KIF26B: variants seen among roughly 807,000 people sequenced by gnomAD.
KIF26B encodes the protein kinesin-like protein KIF26B.
KIF26B carries 63 observed loss-of-function variants against 151.2 expected under a neutral mutation model. That is an observed-to-expected ratio of 0.42 (90% CI 0.34 to 0.51). KIF26B has a LOEUF of 0.51. KIF26B is among the 20% of genes least tolerant of loss of function. The pLI, the probability that KIF26B is intolerant of heterozygous loss-of-function variation, is 0.07. For synonymous variants in KIF26B, 1,357 were observed against 1,262.1 expected (o/e 1.08, Z -1.59); for missense variants, 2,813 against 2,913.6 (o/e 0.97, Z 0.79).
chr1:245,591,543 G>C (rs2043289363), intron 5 of KIF26B, among the ~76,000 whole-genome samples: 1 of 152,194 alleles, frequency 6.6e-6, no homozygotes, highest in Admixed American at 6.5e-5. Flanking sequence ...CCTGTCTCCA[G>C]AGCCTGTGCC....
At chr1:245,408,607 G>T (rs1018235071) in intron 3 of KIF26B, among the ~76,000 whole-genome samples, 4 of 151,940 alleles carry the variant, frequency 2.6e-5, no homozygotes, top group Non-Finnish European at 5.9e-5. Context: ...CACCCGCCTC[G>T]GCCTCCCAAA....
intron 2 of KIF26B, among the ~76,000 whole-genome samples, chr1:245,270,921 A>T (rs558014255): frequency 6.6e-6 from 1 of 152,060 alleles, no homozygotes; most frequent in Non-Finnish European, 1.5e-5. Context: ...ATCCATTTTG[A>T]GTTGAGGTTT....
At chr1:245,363,086 C>G (rs1217465283) in intron 2 of KIF26B, among the ~76,000 whole-genome samples, 1 of 152,176 alleles carries the variant, frequency 6.6e-6, no homozygotes, top group South Asian at 2.1e-4. Context: ...GCCAGCTGAT[C>G]CAGAGGACAT....
intron 5 of KIF26B, among the ~76,000 whole-genome samples, chr1:245,584,189 C>T (rs1370347095): frequency 6.6e-6 from 1 of 152,120 alleles, no homozygotes; most frequent in African/African-American, 2.4e-5. Flanking sequence ...CCGTCTCATG[C>T]TCCCATTCTC....
intron 9 of KIF26B, among the ~76,000 whole-genome samples, chr1:245,613,556 C>G (rs2043551457): frequency 6.6e-6 from 1 of 152,218 alleles, no homozygotes; most frequent in Non-Finnish European, 1.5e-5. Flanking sequence ...CCAGATCGTG[C>G]CACTGCACTC....
rs1388571990 is a variant in KIF26B, at chr1:245,210,202, G to T, written c.465+53519G>T. On this transcript the variant is annotated intron_variant, in intron 2 of 14. Transcript: ENST00000407071. Reference sequence around the variant, plus strand: ...AGCCCACCCCCAAGGCCCCGCAGCTGCAGCTTCTGCTGTGCTTTCATTCCA... The same window carrying T: ...AGCCCACCCCCAAGGCCCCGCAGCTTCAGCTTCTGCTGTGCTTTCATTCCA... 3.9e-5 allele frequency among the ~76,000 whole-genome samples: 6 copies of T among 152,334 alleles called. No individual in the cohort carries two copies. The East Asian group carries it at 1.2e-3, about 29-fold the overall frequency.
At chr1:245,668,701 C>CT (rs10691487) in intron 10 of KIF26B, among the ~76,000 whole-genome samples, 10 of 151,238 alleles carry the variant, frequency 6.6e-5, no homozygotes, top group South Asian at 2.1e-4. Context: ...CTTTTCTTTT[C>CT]TTTTTTTGAG....
intron 4 of KIF26B, among the ~76,000 whole-genome samples, chr1:245,454,023 C>A (rs1377910651): frequency 6.6e-6 from 1 of 152,114 alleles, no homozygotes; most frequent in Non-Finnish European, 1.5e-5. Flanking sequence ...AGGCTGAATG[C>A]CACTCATACA....
intron 2 of KIF26B, among the ~76,000 whole-genome samples, chr1:245,211,928 G>T (rs1669542900): frequency 6.6e-6 from 1 of 152,182 alleles, no homozygotes; most frequent in African/African-American, 2.4e-5. Context: ...CCACGGCAGT[G>T]GGCTCTGCCC....
intron 3 of KIF26B, among the ~76,000 whole-genome samples, chr1:245,414,021 G>A (rs1039614486): frequency 1.4e-4 from 21 of 152,202 alleles, no homozygotes; most frequent in Admixed American, 2.6e-4. Flanking sequence ...CTGCAGTGAG[G>A]GATCTGTATG....
chr1:245,234,302 A>T (rs931738236), intron 2 of KIF26B: 1 of 152,250 alleles, frequency 6.6e-6, no homozygotes, highest in Non-Finnish European at 1.5e-5. Flanking sequence ...GTAAATACCC[A>T]ATAAAATGGT....
chr1:245,617,641 G>T (rs2043606329), intron 9 of KIF26B, among the ~76,000 whole-genome samples: 1 of 152,128 alleles, frequency 6.6e-6, no homozygotes, highest in African/African-American at 2.4e-5. Flanking sequence ...TCTCCCGCTT[G>T]GTCAATAATG....
intron 4 of KIF26B, among the ~76,000 whole-genome samples, chr1:245,474,903 G>T (rs1660000281): frequency 6.6e-6 from 1 of 151,656 alleles, no homozygotes; most frequent in Non-Finnish European, 1.5e-5. Context: ...TTCTGTGCCT[G>T]GTTCATTTCA....
chr1:245,587,983 T>C (rs1477328018), intron 5 of KIF26B, among the ~76,000 whole-genome samples: 10 of 152,224 alleles, frequency 6.6e-5, no homozygotes, highest in Non-Finnish European at 1.0e-4. Flanking sequence ...GGAAGGCTTT[T>C]AAGTTCTCAA....
At chr1:245,280,599 T>TGG (rs1402927581) in intron 2 of KIF26B, among the ~76,000 whole-genome samples, 1 of 103,578 alleles carries the variant, frequency 9.7e-6, no homozygotes, top group Non-Finnish European at 1.9e-5. Context: ...AAGTTTTCGT[T>TGG]TTTTTTTTTT....
chr1:245,179,930 G>A (rs1668874686), intron 2 of KIF26B, among the ~76,000 whole-genome samples: 1 of 152,180 alleles, frequency 6.6e-6, no homozygotes, highest in Admixed American at 6.5e-5. Flanking sequence ...GTGCGGGCCT[G>A]GGTGGTGAGG....
chr1:245,263,582 C>T lies in KIF26B; in HGVS notation c.466-103252C>T, dbSNP rs969607981. On this transcript the variant is annotated intron_variant, in intron 2 of 14. Transcript: ENST00000407071. ...CTAGGGAGAGAAAGATGAAAGGCAG[C>T]GCCTGCTGTTGATTTCATTTGCATC... is the stretch of plus-strand genomic sequence containing the variant. Among the ~76,000 whole-genome samples the T allele has an allele frequency of 2.0e-5, 3 of 152,166 alleles. No homozygotes were observed. In the East Asian group the frequency reaches 5.8e-4, roughly 29 times the overall value.
At chr1:245,652,956 G>C (rs976222776) in intron 10 of KIF26B, among the ~76,000 whole-genome samples, 12 of 152,210 alleles carry the variant, frequency 7.9e-5, no homozygotes, top group African/African-American at 2.9e-4. Flanking sequence ...GGCCTTTCAA[G>C]TGTATCTTCC....
chr1:245,280,365 C>CAAA (rs1191254237), intron 2 of KIF26B, among the ~76,000 whole-genome samples: 10,104 of 129,424 alleles, frequency 0.078, 478 homozygotes, highest in Middle Eastern at 0.11. Context: ...ACAAAAAATA[C>CAAA]AAAAAAAAAA....
Sources: allele counts gnomAD v4.1 joint callset (sites outside exome capture counted in the v4.1 genomes callset), GRCh38; gene constraint gnomAD v4.1.1; transcripts MANE v1.5; gene names NCBI Gene and HGNC (gene_info 2026-07-23, HGNC 2026-07-21).